BICC1: variants seen among roughly 807,000 people sequenced by gnomAD.
The protein encoded by BICC1 is protein bicaudal C homolog 1.
A neutral mutation model predicts 111.0 loss-of-function variants in BICC1; 43 were observed. The observed-to-expected ratio is 0.39, with a 90% CI of 0.30 to 0.50. The LOEUF is 0.50. BICC1 is among the 20% of genes least tolerant of loss of function. The pLI, the probability that BICC1 is intolerant of heterozygous loss-of-function variation, is 0.88. For synonymous variants in BICC1, 467 were observed against 434.4 expected, an observed-to-expected ratio of 1.07 and a Z score of -0.93; for missense variants, 1,091 against 1,203.2, an observed-to-expected ratio of 0.91 and a Z score of 1.38.
At chr10:58,560,250 AGTTT>A (rs1482974166) in intron 1 of BICC1, among the ~76,000 whole-genome samples, 6 of 151,854 alleles carry the variant, frequency 4.0e-5, no homozygotes, top group Non-Finnish European at 7.4e-5. Flanking sequence ...ACTCATTATT[AGTTT>A]GTTTAAGTTT....
chr10:58,779,764 C>T (rs766374660), intron 3 of BICC1, among the ~76,000 whole-genome samples: 4 of 152,140 alleles, frequency 2.6e-5, no homozygotes, highest in South Asian at 2.1e-4. Flanking sequence ...TCGATTGCCA[C>T]GTTAAAGGCA....
At chr10:58,713,771 C>G (rs2132494088) in intron 3 of BICC1, among the ~76,000 whole-genome samples, 1 of 152,316 alleles carries the variant, frequency 6.6e-6, no homozygotes, top group Middle Eastern at 3.4e-3. Context: ...AATTCCTCAC[C>G]TGACTTTTAG....
chr10:58,691,332 G>A (rs192474017), intron 2 of BICC1, among the ~76,000 whole-genome samples: 206 of 152,250 alleles, frequency 1.4e-3, no homozygotes, highest in African/African-American at 4.8e-3. Flanking sequence ...TCTCTTTGTA[G>A]TTACCCATGA....
chr10:58,727,939 A>T (rs1564577881), intron 3 of BICC1, among the ~76,000 whole-genome samples: 1 of 152,176 alleles, frequency 6.6e-6, no homozygotes, highest in Non-Finnish European at 1.5e-5. Flanking sequence ...TTGTGTCTTT[A>T]AAAAATGTAC....
At chr10:58,592,630 G>A (rs1432951407) in intron 1 of BICC1, among the ~76,000 whole-genome samples, 1 of 151,718 alleles carries the variant, frequency 6.6e-6, no homozygotes, top group Non-Finnish European at 1.5e-5. Context: ...CAGGAGAATG[G>A]CGTAAACCCA....
chr10:58,592,645 G>A (rs1844661998), intron 1 of BICC1, among the ~76,000 whole-genome samples: 2 of 151,736 alleles, frequency 1.3e-5, no homozygotes, highest in African/African-American at 4.8e-5. Flanking sequence ...AACCCAGGAG[G>A]CGGAGGTAGC....
chr10:58,718,463 G>A (rs1209704383), intron 3 of BICC1, among the ~76,000 whole-genome samples: 1 of 152,128 alleles, frequency 6.6e-6, no homozygotes, highest in Non-Finnish European at 1.5e-5. Flanking sequence ...TCAGACTGTA[G>A]CACTTGTTCA....
intron 2 of BICC1, among the ~76,000 whole-genome samples, chr10:58,653,827 C>A (rs1838532773): frequency 8.7e-6 from 1 of 114,566 alleles, no homozygotes; most frequent in Non-Finnish European, 1.8e-5. Context: ...GCTATCCCTC[C>A]CCCCTCCCCC....
At chr10:58,816,221 G>A (rs1025183644) in intron 18 of BICC1, among the ~76,000 whole-genome samples, 1 of 152,110 alleles carries the variant, frequency 6.6e-6, no homozygotes, top group African/African-American at 2.4e-5. Flanking sequence ...ACCCCAATTT[G>A]CTTATCGCAG....
chr10:58,595,251 C>T (rs1457130102), intron 1 of BICC1, among the ~76,000 whole-genome samples: 2 of 152,156 alleles, frequency 1.3e-5, no homozygotes, highest in African/African-American at 2.4e-5. Flanking sequence ...CTTAGACTCC[C>T]ACACAATAAT....
At chr10:58,641,601 G>A (rs1323650815) in intron 2 of BICC1, among the ~76,000 whole-genome samples, 1 of 152,078 alleles carries the variant, frequency 6.6e-6, no homozygotes, top group Non-Finnish European at 1.5e-5. Context: ...GTCTTAGAGA[G>A]ATTAATCATT....
chr10:58,522,736 A>C (rs1467086370), intron 1 of BICC1, among the ~76,000 whole-genome samples: 1 of 152,162 alleles, frequency 6.6e-6, no homozygotes, highest in Non-Finnish European at 1.5e-5. Flanking sequence ...AGACACAAAA[A>C]ACCCTTCAAA....
intron 1 of BICC1, among the ~76,000 whole-genome samples, chr10:58,553,067 A>G (rs1450635181): frequency 1.3e-5 from 2 of 152,132 alleles, no homozygotes; most frequent in African/African-American, 4.8e-5. Context: ...ATTGACCCCC[A>G]TAGGGCTTGT....
At chr10:58,563,494 T>G (rs1173298733) in intron 1 of BICC1, among the ~76,000 whole-genome samples, 1 of 152,208 alleles carries the variant, frequency 6.6e-6, no homozygotes, top group Non-Finnish European at 1.5e-5. Context: ...TGCTGGATGC[T>G]TTACTTCCTT....
At chr10:58,814,618 TAAAAAA>T (rs35500718) in intron 18 of BICC1, among the ~76,000 whole-genome samples, 1 of 114,782 alleles carries the variant, frequency 8.7e-6, no homozygotes. Context: ...TCATCTCTAC[TAAAAAA>T]AAAAAAAAAA....
At chr10:58,682,484 G>A (rs1351074795) in intron 2 of BICC1, among the ~76,000 whole-genome samples, 1 of 152,144 alleles carries the variant, frequency 6.6e-6, no homozygotes, top group African/African-American at 2.4e-5. Flanking sequence ...ATTCCCACCA[G>A]CAGTGTAAAA....
chr10:58,646,670 A>T lies in BICC1; in HGVS notation c.237+25769A>T, dbSNP rs149008237. Among the ~76,000 whole-genome samples, 5 of 152,280 alleles carry T rather than the reference A, an allele frequency of 3.3e-5. No individual in the cohort carries two copies. In the East Asian group the frequency reaches 9.6e-4, roughly 29 times the overall value. On this transcript the variant is annotated intron_variant, in intron 2 of 20. Transcript: ENST00000373886. ...CTGTATAGAACTTCTTAGGAAACTC[A>T]TAGCCGAAATGACGGGAGAAACAAT... is the stretch of plus-strand genomic sequence containing the variant.
At chr10:58,746,626 C>G (rs906279699) in intron 3 of BICC1, among the ~76,000 whole-genome samples, 4 of 152,096 alleles carry the variant, frequency 2.6e-5, no homozygotes, top group African/African-American at 9.7e-5. Flanking sequence ...AGACTGGTTA[C>G]CTTTGTCCTT....
At chr10:58,528,399 A>G (rs189614736) in intron 1 of BICC1, among the ~76,000 whole-genome samples, 2 of 151,932 alleles carry the variant, frequency 1.3e-5, no homozygotes, top group African/African-American at 4.8e-5. Context: ...TTTGTATCTA[A>G]TCTGGATTAG....
Sources: allele counts gnomAD v4.1 joint callset (sites outside exome capture counted in the v4.1 genomes callset), GRCh38; gene constraint gnomAD v4.1.1; transcripts MANE v1.5; gene names NCBI Gene and HGNC (gene_info 2026-07-23, HGNC 2026-07-21).